Variants in VASN observed in about 807,000 individuals in gnomAD.
VASN encodes vasorin, also known as protein slit-like 2.
In VASN, 5 loss-of-function variants were observed where a neutral mutation model predicts 4.8. The observed-to-expected ratio is 1.03, with a 90% CI of 0.54 to 2.17. VASN has a LOEUF of 2.17. VASN is among the 30% of genes most tolerant of loss of function. The pLI, the probability that VASN is intolerant of heterozygous loss-of-function variation, is 0.01. For synonymous variants in VASN, 499 were observed against 460.8 expected (o/e 1.08, Z -1.06); for missense variants, 927 against 948.8 (o/e 0.98, Z 0.30).
chr16:4,376,548 G>T (rs2054738670), intron 1 of VASN, among the ~76,000 whole-genome samples: 1 of 152,152 alleles, frequency 6.6e-6, no homozygotes, highest in Non-Finnish European at 1.5e-5. Context: ...GCCTGCCCCA[G>T]AATCAGTGAG....
At chr16:4,375,024 G>C (rs2054670349) in intron 1 of VASN, among the ~76,000 whole-genome samples, 2 of 152,150 alleles carry the variant, frequency 1.3e-5, no homozygotes, top group Admixed American at 1.3e-4. Flanking sequence ...GTGGCATCTG[G>C]ACTGGCCCAT....
Position 4,382,275 on chromosome 16 carries a change from G to C in VASN, c.1398G>C (p.Leu466=). ...VTPRPPRSLT[L]GIEPVSPTSL... ...CGAGGCCACCACGGTCCCTGACCCT[G>C]GGCATCGAGCCGGTGAGCCCCACCT... Residue 466 remains leucine (L), a synonymous_variant, in exon 2 of 2, where the codon CTG becomes CTC. Coordinates refer to ENST00000304735, the MANE Select transcript of VASN (RefSeq NM_138440.3). 2 of 1,608,866 alleles carry C rather than the reference G, an allele frequency of 1.2e-6. No individual in the cohort carries two copies. Among genetic ancestry groups the C allele is most frequent in the Non-Finnish European group, 1.7e-6 (2 of 1,178,554 alleles).
At position 4,381,368 on chromosome 16, in the gene VASN, C is replaced by T. The variant is rs1488530488; in HGVS notation, c.491C>T (p.Pro164Leu). The change falls in exon 2 of 2, where the codon CCC becomes CTC. Residue 164 changes from proline (P) to leucine (L), a missense_variant. Physicochemically the swap from Pro to Leu is moderately conservative, Grantham distance 98. Transcript: ENST00000304735. ...KLQDNELRAL[P>L]PLRLPRLLLL... ...CAGGACAACGAGCTGCGGGCACTGCCCCCGCTGCGCCTGCCCCGCCTGCTG... is the reference window on the plus strand; with the variant it reads ...CAGGACAACGAGCTGCGGGCACTGCTCCCGCTGCGCCTGCCCCGCCTGCTG... 2 of 1,592,546 alleles carry T rather than the reference C, an allele frequency of 1.3e-6. No homozygotes were observed. The highest frequency in any genetic ancestry group is 1.7e-6 in the Non-Finnish European group (2 of 1,171,670).
rs1427506279 is a variant in VASN at position 4,380,904 on chromosome 16, G to A, written c.27G>A (p.Leu9=). The change falls in exon 2 of 2, where the codon CTG becomes CTA. Residue 9 remains leucine (L), a synonymous_variant. Transcript: ENST00000304735. ...TGTGCTCCAGGGTCCCTCTGCTGCT[G>A]CCGCTGCTCCTGCTACTGGCCCTGG... The part of the protein sequence containing the change: MCSRVPLL[L]PLLLLLALGP... 2 of 1,555,758 alleles carry A rather than the reference G, an allele frequency of 1.3e-6. No individual in the cohort carries two copies. Among genetic ancestry groups the A allele is most frequent in the East Asian group, 2.3e-5 (1 of 44,382 alleles).
rs546297738 is a variant in VASN, at chr16:4,371,892, G to T, written c.-111G>T. The T allele has an allele frequency of 6.6e-6, 1 of 152,124 alleles. No homozygotes were observed. The highest frequency in any genetic ancestry group is 2.1e-4 in the South Asian group (1 of 4,834). The allele number at this position is 152,124 out of a possible 1,614,324, so 9.4% of individuals were successfully genotyped here. A position where few individuals can be genotyped will look rare whatever the true frequency, so the allele number is the denominator to read the frequency against. On this transcript the variant is annotated 5_prime_UTR_variant, in exon 1 of 2. Coordinates refer to ENST00000304735, the MANE Select transcript of VASN (RefSeq NM_138440.3). ...GGGGCGGGTGGACGCGGACTCGAACGCAGTTGCTTCGGGACCCAGGACCCC... is the reference window on the plus strand; with the variant it reads ...GGGGCGGGTGGACGCGGACTCGAACTCAGTTGCTTCGGGACCCAGGACCCC...
chr16:4,382,306 C>T lies in VASN; in HGVS notation c.1429C>T (p.Arg477Cys), dbSNP rs755692714. 9 of 1,610,238 alleles carry T rather than the reference C, an allele frequency of 5.6e-6. No individual in the cohort carries two copies. The highest frequency in any genetic ancestry group is 2.2e-5 in the East Asian group (1 of 44,792). Reference protein sequence around the residue: ...GIEPVSPTSLRVGLQRYLQGS... With the variant: ...GIEPVSPTSLCVGLQRYLQGS... ...CGAGCCGGTGAGCCCCACCTCCCTG[C>T]GCGTGGGGCTGCAGCGCTACCTCCA... Residue 477 changes from arginine (R) to cysteine (C), a missense_variant, in exon 2 of 2, where the codon CGC (arginine) becomes TGC (cysteine). Arg to Cys is a radical substitution (Grantham distance 180, BLOSUM62 -3). Coordinates refer to ENST00000304735, the MANE Select transcript of VASN (RefSeq NM_138440.3).
At chr16:4,374,073 G>A (rs906833136) in intron 1 of VASN, among the ~76,000 whole-genome samples, 1 of 151,400 alleles carries the variant, frequency 6.6e-6, no homozygotes, top group Admixed American at 6.6e-5. Flanking sequence ...TCTTGGAGAA[G>A]GGGGAGGGTG....
At position 4,382,737 on chromosome 16, in the gene VASN, G is replaced by A. The variant is rs1010606194; in HGVS notation, c.1860G>A (p.Gly620=). The A allele has an allele frequency of 1.3e-6, 2 of 1,554,848 alleles. No individual in the cohort carries two copies. The highest frequency in any genetic ancestry group is 1.7e-6 in the Non-Finnish European group (2 of 1,150,276). ...AAGGGCAGGTGGGGCCAGGGGCTGG[G>A]CCCCTGGAACTGGAGGGAGTGAAGG... ...QDKGQVGPGA[G]PLELEGVKVP... Residue 620 remains glycine (G), a synonymous_variant, in exon 2 of 2, where the codon GGG becomes GGA. Coordinates refer to ENST00000304735, the MANE Select transcript of VASN (RefSeq NM_138440.3).
chr16:4,380,368 C>G (rs560726415), intron 1 of VASN, among the ~76,000 whole-genome samples: 1 of 152,220 alleles, frequency 6.6e-6, no homozygotes, highest in Admixed American at 6.5e-5. Flanking sequence ...GAAGTCTTCC[C>G]GCTGCATTCC....
rs373925275 is a variant in VASN, at chr16:4,380,714, A to C, written c.-9-155A>C. ...GAGGGAGTGACGGGGCTGGGACAGA[A>C]CCTGGGTCGGGGCACTGGCGACCTG... On this transcript the variant is annotated intron_variant, in intron 1 of 1. Transcript: ENST00000304735. Among the ~76,000 whole-genome samples, 25 of 152,320 alleles carry C rather than the reference A, an allele frequency of 1.6e-4. No individual in the cohort carries two copies. In the East Asian group the frequency reaches 3.1e-3, roughly 19 times the overall value.
At chr16:4,377,589 AG>A (rs936384170) in intron 1 of VASN, among the ~76,000 whole-genome samples, 53 of 152,304 alleles carry the variant, frequency 3.5e-4, no homozygotes, top group East Asian at 1.3e-3. Flanking sequence ...CAGTTGAGAA[AG>A]GAACTCTGGC....
Position 4,380,854 on chromosome 16 carries a change from C to T in VASN, c.-9-15C>T. 2 of 1,472,534 alleles carry T rather than the reference C, an allele frequency of 1.4e-6. No individual in the cohort carries two copies. Among genetic ancestry groups the T allele is most frequent in the Non-Finnish European group, 1.8e-6 (2 of 1,118,462 alleles). 91.2% of individuals were successfully genotyped at this position (1,472,534 alleles called of 1,614,324 possible). ...GACTCACAGTCTTCTGTCTCTGCCT[C>T]CTCTCTGCTCCCAGGGACAGAAGAT... On this transcript the variant is annotated splice_polypyrimidine_tract_variant and intron_variant, in intron 1 of 1. Coordinates refer to ENST00000304735, the MANE Select transcript of VASN (RefSeq NM_138440.3).
rs775449844 is a variant in VASN, at chr16:4,382,642, G to A, written c.1765G>A (p.Ala589Thr). The change falls in exon 2 of 2, where the codon GCG becomes ACG. Residue 589 changes from alanine (A) to threonine (T), a missense_variant. Coordinates refer to ENST00000304735, the MANE Select transcript of VASN (RefSeq NM_138440.3). Reference protein sequence around the residue: ...APALAAVLLAALAAVGAAYCV... With the variant: ...APALAAVLLATLAAVGAAYCV... ...CGCCCTGGCCGCGGTGCTCCTGGCCGCGCTGGCTGCGGTGGGGGCAGCCTA... is the reference window on the plus strand; with the variant it reads ...CGCCCTGGCCGCGGTGCTCCTGGCCACGCTGGCTGCGGTGGGGGCAGCCTA... 49 of 1,557,152 alleles carry A rather than the reference G, an allele frequency of 3.1e-5. No homozygotes were observed. Among genetic ancestry groups the A allele is most frequent in the East Asian group, 7.2e-5 (3 of 41,508 alleles).
At chr16:4,379,139 G>A (rs939919360) in intron 1 of VASN, among the ~76,000 whole-genome samples, 2 of 151,878 alleles carry the variant, frequency 1.3e-5, no homozygotes, top group Non-Finnish European at 2.9e-5. Flanking sequence ...CTGGGGCGGA[G>A]TGCAGGCTGG....
intron 1 of VASN, among the ~76,000 whole-genome samples, chr16:4,379,115 C>A (rs906987099): frequency 6.6e-6 from 1 of 152,056 alleles, no homozygotes; most frequent in African/African-American, 2.4e-5. Flanking sequence ...GCCCTATGGA[C>A]GGGTCCCCCC....
chr16:4,374,131 G>A (rs1018372513), intron 1 of VASN, among the ~76,000 whole-genome samples: 3 of 150,448 alleles, frequency 2.0e-5, no homozygotes, highest in Non-Finnish European at 4.4e-5. Context: ...CCCAGTGGGC[G>A]TGTGTCTGGC....
intron 1 of VASN, among the ~76,000 whole-genome samples, chr16:4,374,901 T>G (rs937230410): frequency 5.3e-5 from 8 of 152,016 alleles, no homozygotes; most frequent in Non-Finnish European, 1.2e-4. Context: ...CAGGGTTAAT[T>G]GCAGGTTAGG....
chr16:4,373,341 G>T (rs2054601157), intron 1 of VASN, among the ~76,000 whole-genome samples: 1 of 152,098 alleles, frequency 6.6e-6, no homozygotes, highest in Non-Finnish European at 1.5e-5. Flanking sequence ...CTGGGGGCCG[G>T]GCACTGCCTG....
Position 4,382,698 on chromosome 16 carries a change from A to T in VASN, c.1821A>T (p.Ala607=). 6.5e-7 allele frequency: 1 copy of T among 1,547,674 alleles called. No individual in the cohort carries two copies. Among genetic ancestry groups the T allele is most frequent in the Non-Finnish European group, 8.7e-7 (1 of 1,147,256 alleles). ...YCVRRGRAMA[A]AAQDKGQVGP... ...TGCGGCGGGGGCGGGCCATGGCAGC[A>T]GCGGCTCAGGACAAAGGGCAGGTGG... Residue 607 remains alanine, a synonymous_variant, in exon 2 of 2, where the codon GCA becomes GCT. Transcript: ENST00000304735.
Sources: gnomAD v4.1 joint callset for allele counts (sites outside exome capture counted in the v4.1 genomes callset) on GRCh38, gnomAD v4.1.1 for gene constraint, MANE v1.5 for transcripts, NCBI Gene and HGNC (gene_info 2026-07-23, HGNC 2026-07-21) for gene names.